The following KIAA0825 variants were observed in gnomAD, a reference collection of about 807,000 sequenced individuals.
KIAA0825 encodes the protein uncharacterized protein KIAA0825.
A neutral mutation model predicts 147.6 loss-of-function variants in KIAA0825; 119 were observed. That is an observed-to-expected ratio of 0.81 (90% CI 0.69 to 0.94). The LOEUF (loss-of-function observed/expected upper bound fraction) is 0.94. Among genes scored for constraint, KIAA0825 ranks in the 40% least tolerant of loss-of-function variants. KIAA0825 has a pLI of 0.00. For missense variants in KIAA0825, 1,381 were observed against 1,472.7 expected (o/e 0.94, Z 1.02); for synonymous variants, 470 against 518.1 (o/e 0.91, Z 1.26).
At chr5:94,455,993 G>A (rs1759057748) in intron 12 of KIAA0825, among the ~76,000 whole-genome samples, 1 of 152,146 alleles carries the variant, frequency 6.6e-6, no homozygotes, top group Non-Finnish European at 1.5e-5. Context: ...CCATGCCACT[G>A]CAAGAGAGCT....
In KIAA0825 at chr5:94,582,914, A is replaced by G. The variant is rs1036167633; in HGVS notation, c.-152-331T>C. 2.6e-5 allele frequency among the ~76,000 whole-genome samples: 4 copies of G among 152,216 alleles called. No individual in the cohort carries two copies. The East Asian group carries it at 7.7e-4, about 29-fold the overall frequency. On this transcript the variant is annotated intron_variant, in intron 1 of 20. Coordinates refer to ENST00000682413, the MANE Select transcript of KIAA0825 (RefSeq NM_001145678.3). ...AAAGAGAGTAACGTGTGGTTGCACC[A>G]TATAAAACAAGCAATGTTATTCAAT... is the stretch of plus-strand genomic sequence containing the variant.
chr5:94,574,205 A>G (rs1240202328), intron 2 of KIAA0825, among the ~76,000 whole-genome samples: 2 of 152,140 alleles, frequency 1.3e-5, no homozygotes, highest in Non-Finnish European at 2.9e-5. Context: ...CTCTCACTAT[A>G]CATAGGTTCA....
chr5:94,459,286 G>A (rs1274666383), intron 12 of KIAA0825, among the ~76,000 whole-genome samples: 1 of 151,956 alleles, frequency 6.6e-6, no homozygotes, highest in African/African-American at 2.4e-5. Flanking sequence ...ACAAATTTTT[G>A]TATGGACATA....
chr5:94,529,114 C>A (rs1040782042), intron 3 of KIAA0825, among the ~76,000 whole-genome samples: 2 of 150,786 alleles, frequency 1.3e-5, no homozygotes, highest in Non-Finnish European at 2.9e-5. Context: ...AAGCTACATA[C>A]TGAGGGTTTT....
chr5:94,268,490 A>G lies in KIAA0825; in HGVS notation c.3711-114366T>C, dbSNP rs1313229181. Among the ~76,000 whole-genome samples, 2 of 152,168 alleles carry G rather than the reference A, an allele frequency of 1.3e-5. 1 individual carries two copies. The highest frequency in any genetic ancestry group is 4.8e-5 in the African/African-American group (2 of 41,412). ...AATGTGGCAAAGTTGTTGGCTGCTG[A>G]GAAACCACAGCAGCAGACACAGACT... is the stretch of plus-strand genomic sequence containing the variant. On this transcript the variant is annotated intron_variant, in intron 20 of 20. Coordinates refer to ENST00000682413, the MANE Select transcript of KIAA0825 (RefSeq NM_001145678.3).
intron 2 of KIAA0825, among the ~76,000 whole-genome samples, chr5:94,542,125 T>C (rs1584833349): frequency 6.6e-6 from 1 of 152,326 alleles, no homozygotes; most frequent in East Asian, 1.9e-4. Flanking sequence ...TATACAACTC[T>C]AGCAGATGTT....
chr5:94,312,591 C>G (rs1052468851), intron 20 of KIAA0825, among the ~76,000 whole-genome samples: 2 of 151,598 alleles, frequency 1.3e-5, no homozygotes, highest in African/African-American at 4.8e-5. Context: ...TCTATTATGT[C>G]AATAATATGG....
At chr5:94,527,161 T>C (rs995146466) in intron 3 of KIAA0825, among the ~76,000 whole-genome samples, 2 of 152,026 alleles carry the variant, frequency 1.3e-5, no homozygotes, top group African/African-American at 4.8e-5. Context: ...CATGCATGTA[T>C]GGATGTATGT....
At chr5:94,176,413 A>G (rs1283500503) in intron 20 of KIAA0825, among the ~76,000 whole-genome samples, 8 of 152,148 alleles carry the variant, frequency 5.3e-5, no homozygotes, top group African/African-American at 1.7e-4. Context: ...TTTGTAAATT[A>G]CCCAGGCTCA....
At chr5:94,346,517 G>A (rs1783007408) in intron 20 of KIAA0825, among the ~76,000 whole-genome samples, 1 of 152,062 alleles carries the variant, frequency 6.6e-6, no homozygotes, top group South Asian at 2.1e-4. Flanking sequence ...TGCAGAAGTA[G>A]GAAAAGAAGA....
At chr5:94,404,375 T>C (rs1177184488) in intron 15 of KIAA0825, among the ~76,000 whole-genome samples, 2 of 152,152 alleles carry the variant, frequency 1.3e-5, no homozygotes, top group Non-Finnish European at 2.9e-5. Context: ...AATTAAAAGC[T>C]GTACTCTATA....
intron 5 of KIAA0825, among the ~76,000 whole-genome samples, chr5:94,504,757 T>TC (rs1765521193): frequency 6.7e-6 from 1 of 149,584 alleles, no homozygotes; most frequent in South Asian, 2.1e-4. Flanking sequence ...TTTTTTTTTT[T>TC]TTTTTTTTGA....
At chr5:94,363,038 C>T (rs1745291333) in intron 20 of KIAA0825, among the ~76,000 whole-genome samples, 1 of 152,136 alleles carries the variant, frequency 6.6e-6, no homozygotes, top group South Asian at 2.1e-4. Flanking sequence ...TGATTCTGGG[C>T]TGAATCAGAT....
chr5:94,317,735 T>C (rs1466747544), intron 20 of KIAA0825, among the ~76,000 whole-genome samples: 1 of 151,842 alleles, frequency 6.6e-6, no homozygotes, highest in Non-Finnish European at 1.5e-5. Context: ...TATTGTGCAG[T>C]GAAAATGAGA....
intron 20 of KIAA0825, among the ~76,000 whole-genome samples, chr5:94,346,175 C>A (rs1782965919): frequency 6.6e-6 from 1 of 152,082 alleles, no homozygotes; most frequent in African/African-American, 2.4e-5. Context: ...GGTCTCCTCC[C>A]TTACTATCAT....
At chr5:94,286,537 CAGA>C (rs1225995613) in intron 20 of KIAA0825, among the ~76,000 whole-genome samples, 1 of 152,004 alleles carries the variant, frequency 6.6e-6, no homozygotes, top group Non-Finnish European at 1.5e-5. Flanking sequence ...CAGGGAATAA[CAGA>C]AGGTTTCTTT....
At chr5:94,403,440 C>A (rs1041065705) in intron 16 of KIAA0825, 129 bp downstream of exon 16, 3 of 662,164 alleles carry the variant, frequency 4.5e-6, no homozygotes, top group Non-Finnish European at 7.7e-6. Flanking sequence ...AAGGGTCGCA[C>A]ATCTACTTAA....
At chr5:94,596,742 C>G (rs1785387232) in intron 1 of KIAA0825, among the ~76,000 whole-genome samples, 1 of 152,070 alleles carries the variant, frequency 6.6e-6, no homozygotes, top group African/African-American at 2.4e-5. Flanking sequence ...TGTGTCATCT[C>G]TGATTTATTT....
chr5:94,204,585 C>CA (rs1469736285), intron 20 of KIAA0825, among the ~76,000 whole-genome samples: 4 of 152,152 alleles, frequency 2.6e-5, no homozygotes, highest in Non-Finnish European at 5.9e-5. Context: ...GTAATTCCTT[C>CA]AAAGATTAAC....
Sources: gnomAD v4.1 joint callset for allele counts (sites outside exome capture counted in the v4.1 genomes callset) on GRCh38, gnomAD v4.1.1 for gene constraint, MANE v1.5 for transcripts, NCBI Gene and HGNC (gene_info 2026-07-23, HGNC 2026-07-21) for gene names.